The following ZNFX1 variants were observed in gnomAD, a reference collection of about 807,000 sequenced individuals.
ZNFX1 encodes the protein zinc finger NFX1-type containing 1.
Under a neutral mutation model 179.8 loss-of-function variants are expected in ZNFX1, and 78 were observed. The observed-to-expected ratio is 0.43, with a 90% CI of 0.36 to 0.52. ZNFX1 has a LOEUF of 0.52. Among genes scored for constraint, ZNFX1 ranks in the 20% least tolerant of loss-of-function variants. The pLI, the probability that ZNFX1 is intolerant of heterozygous loss-of-function variation, is 0.00. For synonymous variants in ZNFX1, 848 were observed against 868.5 expected, an observed-to-expected ratio of 0.98 and a Z score of 0.42; for missense variants, 1,927 against 2,386.6, an observed-to-expected ratio of 0.81 and a Z score of 4.01.
chr20:49,249,651 C>T lies in ZNFX1; in HGVS notation c.3373G>A (p.Gly1125Ser). The T allele has an allele frequency of 2.5e-6, 4 of 1,614,090 alleles. No individual in the cohort carries two copies. The highest frequency in any genetic ancestry group is 3.4e-6 in the Non-Finnish European group (4 of 1,180,006). Residue 1125 changes from glycine to serine, a missense_variant, in exon 14 of 14, where the codon GGC becomes AGC. By Grantham distance (56) the Gly-to-Ser change is moderately conservative (BLOSUM62 0). Coordinates refer to ENST00000396105, the MANE Select transcript of ZNFX1 (RefSeq NM_021035.3). ...HNFPEQEIQE[G>S]KSHQNQHEAH... ...TCATGCTGGTTCTGATGGCTTTTGCCCTCTTGGATTTCCTGTTCAGGAAAG... is the reference window on the plus strand; with the variant it reads ...TCATGCTGGTTCTGATGGCTTTTGCTCTCTTGGATTTCCTGTTCAGGAAAG...
chr20:49,247,869 G>C lies in ZNFX1; in HGVS notation c.5155C>G (p.Leu1719Val). The change falls in exon 14 of 14, where the codon CTG becomes GTG. Residue 1719 changes from leucine (L) to valine (V), a missense_variant. Coordinates refer to ENST00000396105, the MANE Select transcript of ZNFX1 (RefSeq NM_021035.3). ...YDHLASLWDS[L>V]KKMHVLEEKR... ...TCTTCTAAGACATGCATCTTTTTCA[G>C]GGAATCCCACAGGCTGGCCAGGTGG... The C allele has an allele frequency of 6.2e-7, 1 of 1,614,120 alleles. No individual in the cohort carries two copies. Among genetic ancestry groups the C allele is most frequent in the Admixed American group, 1.7e-5 (1 of 60,004 alleles).
intron 3 of ZNFX1, among the ~76,000 whole-genome samples, chr20:49,268,164 C>G (rs531898657): frequency 2.0e-5 from 3 of 152,044 alleles, no homozygotes; most frequent in African/African-American, 7.2e-5. Context: ...TGTGAGCCAC[C>G]GTGCCTGACC....
intron 12 of ZNFX1, among the ~76,000 whole-genome samples, chr20:49,252,146 C>CTT (rs201035414): frequency 7.6e-6 from 1 of 131,790 alleles, no homozygotes; most frequent in Non-Finnish European, 1.6e-5. Flanking sequence ...TTTTTCTTTT[C>CTT]TTTTTTTTTT....
chr20:49,247,845 C>G lies in ZNFX1; in HGVS notation c.5179G>C (p.Glu1727Gln), dbSNP rs139440461. The G allele has an allele frequency of 1.1e-4, 178 of 1,614,136 alleles. No individual in the cohort carries two copies. The African/African-American group carries it at 2.2e-3, about 20-fold the overall frequency. The change falls in exon 14 of 14, where the codon GAG becomes CAG. Residue 1727 changes from glutamate (E) to glutamine (Q), a missense_variant. Glu to Gln is a conservative substitution (Grantham distance 29). Transcript: ENST00000396105. ...TCTAGTCGAGTCCTCACTCTTTTCT[C>G]TTCTAAGACATGCATCTTTTTCAGG... is the stretch of plus-strand genomic sequence containing the variant. ...DSLKKMHVLE[E>Q]KRVRTRLEQV... is the part of the protein sequence containing the mutation.
At chr20:49,258,901 C>T (rs529909884) in intron 7 of ZNFX1, among the ~76,000 whole-genome samples, 42 of 152,074 alleles carry the variant, frequency 2.8e-4, no homozygotes, top group African/African-American at 9.4e-4. Context: ...GTCAGGAGCT[C>T]AAGACCAGCC....
chr20:49,266,674 C>A (rs941015199), intron 3 of ZNFX1, among the ~76,000 whole-genome samples: 2 of 143,636 alleles, frequency 1.4e-5, no homozygotes, highest in Admixed American at 1.4e-4. Flanking sequence ...CCCCACCCCC[C>A]CCTTTCCTTT....
At position 49,249,182 on chromosome 20, in the gene ZNFX1, T is replaced by C; in HGVS notation, c.3842A>G (p.Gln1281Arg). Residue 1281 changes from glutamine (Q) to arginine (R), a missense_variant, in exon 14 of 14, where the codon CAA (glutamine) becomes CGA (arginine). By Grantham distance (43) the Gln-to-Arg change is conservative (BLOSUM62 1). Transcript: ENST00000396105. ...HTLVSKASDF[Q>R]KVPEGGCSLP... is the part of the protein sequence containing the mutation. ...GCTGCAGCCTCCTTCGGGTACTTTT[T>C]GGAAGTCAGAAGCTTTGGATACTAA... The C allele has an allele frequency of 1.2e-6, 2 of 1,614,196 alleles. No individual in the cohort carries two copies. Among genetic ancestry groups the C allele is most frequent in the East Asian group, 4.5e-5 (2 of 44,878 alleles).
In ZNFX1 at chr20:49,257,383, T is replaced by C. The variant is rs371603465; in HGVS notation, c.2664+34A>G. On this transcript the variant is annotated intron_variant, in intron 8 of 13. Coordinates refer to ENST00000396105, the MANE Select transcript of ZNFX1 (RefSeq NM_021035.3). ...GGGAAAACAAGCGGTCAGAACACTCTCAGGCCTGTTTCAACCCAAGGAAGT... is the reference window on the plus strand; with the variant it reads ...GGGAAAACAAGCGGTCAGAACACTCCCAGGCCTGTTTCAACCCAAGGAAGT... 8 of 1,612,190 alleles carry C rather than the reference T, an allele frequency of 5.0e-6. No homozygotes were observed. In the African/African-American group the frequency reaches 1.1e-4, roughly 22 times the overall value.
At chr20:49,268,843 A>G (rs1414151660) in intron 3 of ZNFX1, among the ~76,000 whole-genome samples, 1 of 152,232 alleles carries the variant, frequency 6.6e-6, no homozygotes, top group African/African-American at 2.4e-5. Flanking sequence ...GTCAAAAAAA[A>G]GTCAAAAAAT....
chr20:49,263,846 T>A (rs1600992922), intron 5 of ZNFX1, among the ~76,000 whole-genome samples: 1 of 151,986 alleles, frequency 6.6e-6, no homozygotes, highest in South Asian at 2.1e-4. Flanking sequence ...TCCAAAATGC[T>A]TGGGACTAGA....
In ZNFX1 at chr20:49,270,490, C is replaced by G. The variant is rs1350431058; in HGVS notation, c.1322G>C (p.Arg441Pro). 5.0e-6 allele frequency: 8 copies of G among 1,614,194 alleles called. No individual in the cohort carries two copies. Among genetic ancestry groups the G allele is most frequent in the Non-Finnish European group, 5.1e-6 (6 of 1,180,036 alleles). ...GAGCAATCGTTTGGAATTCTGCCAG[C>G]GAACAAACTTCAGTGGTTTTGTGTC... Reference protein sequence around the residue: ...QFDTKPLKFVRWQNSKRLLYG... With the variant: ...QFDTKPLKFVPWQNSKRLLYG... Residue 441 changes from arginine (R) to proline (P), a missense_variant, in exon 3 of 14, where the codon CGC becomes CCC. Arg to Pro is a moderately radical substitution (Grantham distance 103). Transcript: ENST00000396105. The surrounding 1 kb of genome is among the most constrained non-coding windows in gnomAD (Gnocchi z 4.6).
At chr20:49,251,398 C>G in intron 13 of ZNFX1, 129 bp downstream of exon 13, 2 of 672,618 alleles carry the variant, frequency 3.0e-6, no homozygotes, top group South Asian at 3.4e-5. Flanking sequence ...ACCTCAGCTT[C>G]CCAAAGTGCT....
chr20:49,252,912 C>A, intron 11 of ZNFX1, 82 bp from the exon 12 acceptor site: 1 of 1,111,082 alleles, frequency 9.0e-7, no homozygotes, highest in South Asian at 1.3e-5. Context: ...AACCAACCAT[C>A]AAATGTTTTT....
intron 2 of ZNFX1, among the ~76,000 whole-genome samples, chr20:49,274,238 G>A (rs978575147): frequency 6.6e-6 from 1 of 152,152 alleles, no homozygotes; most frequent in African/African-American, 2.4e-5. Context: ...TAAAACACAC[G>A]AGATTTTGAA....
chr20:49,262,409 AAAAAAAAAAAAAGAAG>A (rs1249106094), intron 6 of ZNFX1, among the ~76,000 whole-genome samples: 3 of 97,174 alleles, frequency 3.1e-5, no homozygotes, highest in Non-Finnish European at 7.3e-5. Context: ...CTCTGTCTCA[AAAAAAAAAAAAAGAAG>A]AAAAAAAAAA....
intron 7 of ZNFX1, among the ~76,000 whole-genome samples, chr20:49,259,003 G>A (rs1367104960): frequency 6.6e-6 from 1 of 151,582 alleles, no homozygotes; most frequent in East Asian, 1.9e-4. Context: ...TTGGGAAGCT[G>A]AGGCAGGAGA....
Position 49,271,657 on chromosome 20 carries a change from C to T in ZNFX1, c.155G>A (p.Arg52Lys), listed in dbSNP as rs1268355356. 3.7e-6 allele frequency: 6 copies of T among 1,613,878 alleles called. No homozygotes were observed. Among genetic ancestry groups the T allele is most frequent in the Non-Finnish European group, 5.1e-6 (6 of 1,179,994 alleles). ...ALRGGASHPG[R>K]HPRANNHPAA... ...AGGATGGTTGTTGGCCCTAGGATGC[C>T]TTCCAGGGTGGCTGGCTCCTCCTCG... Residue 52 changes from arginine (R) to lysine (K), a missense_variant, in exon 3 of 14, where the codon AGG (arginine) becomes AAG (lysine). Arg to Lys is a conservative substitution (Grantham distance 26, BLOSUM62 2). Transcript: ENST00000396105.
At chr20:49,251,890 C>T (rs1980847269) in intron 12 of ZNFX1, among the ~76,000 whole-genome samples, 2 of 149,442 alleles carry the variant, frequency 1.3e-5, no homozygotes, top group African/African-American at 2.5e-5. Flanking sequence ...GGTGCAGTGG[C>T]GCAATCTCAG....
rs747948329 is a variant in ZNFX1 at position 49,271,605 on chromosome 20, T to C, written c.207A>G (p.Arg69=). 6.2e-7 allele frequency: 1 copy of C among 1,614,082 alleles called. No individual in the cohort carries two copies. Among genetic ancestry groups the C allele is most frequent in the Non-Finnish European group, 8.5e-7 (1 of 1,179,998 alleles). The change falls in exon 3 of 14, where the codon AGA becomes AGG. Residue 69 remains arginine, a synonymous_variant. Coordinates refer to ENST00000396105, the MANE Select transcript of ZNFX1 (RefSeq NM_021035.3). ...HPAAYWQREE[R]FRAMGRNPHQ... ...GTGGGTTCCTGCCCATGGCCCTAAA[T>C]CTCTCTTCCCTCTGCCAGTAAGCAG...
Sources: allele counts gnomAD v4.1 joint callset (sites outside exome capture counted in the v4.1 genomes callset), GRCh38; gene constraint gnomAD v4.1.1; non-coding constraint Gnocchi (gnomAD v3.1); transcripts MANE v1.5; gene names NCBI Gene and HGNC (gene_info 2026-07-23, HGNC 2026-07-21).